LRRC4C: variants seen among roughly 807,000 people sequenced by gnomAD.
LRRC4C encodes the protein leucine-rich repeat-containing protein 4C.
Under a neutral mutation model 33.6 loss-of-function variants are expected in LRRC4C, and 5 were observed. The observed-to-expected ratio is 0.15, with a 90% CI of 0.08 to 0.31. The LOEUF (loss-of-function observed/expected upper bound fraction) is 0.31. Among genes scored for constraint, LRRC4C ranks in the 10% least tolerant of loss-of-function variants. LRRC4C has a pLI of 1.00. For missense variants in LRRC4C, 560 were observed against 796.7 expected (o/e 0.70, Z 3.58); for synonymous variants, 329 against 302.0 (o/e 1.09, Z -0.93).
chr11:40,276,467 G>A (rs1318895912), intron 4 of LRRC4C, among the ~76,000 whole-genome samples: 1 of 152,128 alleles, frequency 6.6e-6, no homozygotes, highest in Non-Finnish European at 1.5e-5. Flanking sequence ...TAGAGAAGGT[G>A]TTCATTCAAA....
intron 1 of LRRC4C, among the ~76,000 whole-genome samples, chr11:41,298,270 A>G (rs1262246661): frequency 6.6e-6 from 1 of 152,164 alleles, no homozygotes; most frequent in Non-Finnish European, 1.5e-5. Context: ...AGAAAGAGAT[A>G]AAAGAAGGGA....
At chr11:40,866,098 T>C (rs1399704188) in intron 2 of LRRC4C, among the ~76,000 whole-genome samples, 1 of 151,628 alleles carries the variant, frequency 6.6e-6, no homozygotes, top group African/African-American at 2.4e-5. Flanking sequence ...GGTCTGATCT[T>C]TATATAGAAC....
At chr11:40,520,405 TC>T (rs1337029736) in intron 3 of LRRC4C, among the ~76,000 whole-genome samples, 1 of 152,210 alleles carries the variant, frequency 6.6e-6, no homozygotes, top group Non-Finnish European at 1.5e-5. Flanking sequence ...GTGTAACTCT[TC>T]TTTTCACTTG....
intron 3 of LRRC4C, among the ~76,000 whole-genome samples, chr11:40,529,120 G>A (rs1023920124): frequency 6.6e-6 from 1 of 152,046 alleles, no homozygotes; most frequent in Non-Finnish European, 1.5e-5. Context: ...GCACTATAGT[G>A]TGTTATACAC....
chr11:41,291,166 T>C (rs1033893703), intron 1 of LRRC4C, among the ~76,000 whole-genome samples: 1 of 152,182 alleles, frequency 6.6e-6, no homozygotes, highest in African/African-American at 2.4e-5. Flanking sequence ...CTTTAAACAC[T>C]TTTCCAATAT....
intron 4 of LRRC4C, among the ~76,000 whole-genome samples, chr11:40,275,621 C>A (rs1018789432): frequency 6.6e-6 from 1 of 152,106 alleles, no homozygotes; most frequent in East Asian, 1.9e-4. Flanking sequence ...GGAAACTCAG[C>A]AAAAGAGAGT....
At chr11:40,645,267 C>A (rs1942378438) in intron 3 of LRRC4C, among the ~76,000 whole-genome samples, 1 of 152,070 alleles carries the variant, frequency 6.6e-6, no homozygotes, top group Non-Finnish European at 1.5e-5. Flanking sequence ...TGAATTGAGC[C>A]AATCATATTC....
intron 4 of LRRC4C, among the ~76,000 whole-genome samples, chr11:40,287,120 C>A (rs1186546808): frequency 6.6e-6 from 1 of 151,870 alleles, no homozygotes; most frequent in Non-Finnish European, 1.5e-5. Context: ...GAATATAGAA[C>A]CTAGAGAGGT....
chr11:41,119,023 A>T (rs1470204837), intron 1 of LRRC4C, among the ~76,000 whole-genome samples: 1 of 152,028 alleles, frequency 6.6e-6, no homozygotes, highest in South Asian at 2.1e-4. Context: ...ACTATAGGTG[A>T]TTAACTCAAG....
chr11:41,019,916 A>C (rs750547291), intron 1 of LRRC4C, among the ~76,000 whole-genome samples: 1 of 152,140 alleles, frequency 6.6e-6, no homozygotes, highest in African/African-American at 2.4e-5. Context: ...CCTGGATATT[A>C]ATCCTTTGTC....
At chr11:40,824,588 T>C (rs1952077966) in intron 2 of LRRC4C, among the ~76,000 whole-genome samples, 1 of 151,938 alleles carries the variant, frequency 6.6e-6, no homozygotes, top group Non-Finnish European at 1.5e-5. Flanking sequence ...AACTATTCTA[T>C]TATTACTCAT....
At chr11:41,339,683 A>G (rs1006266798) in intron 1 of LRRC4C, among the ~76,000 whole-genome samples, 4 of 152,204 alleles carry the variant, frequency 2.6e-5, no homozygotes, top group Admixed American at 2.6e-4. Context: ...TTTTTAAGCA[A>G]TACATGTTCC....
chr11:40,138,176 T>G (rs1459330977), intron 6 of LRRC4C, among the ~76,000 whole-genome samples: 2 of 152,046 alleles, frequency 1.3e-5, no homozygotes, highest in African/African-American at 4.8e-5. Flanking sequence ...TTTTCTTTTT[T>G]TTTTTTTTAG....
intron 1 of LRRC4C, among the ~76,000 whole-genome samples, chr11:41,317,248 AT>A (rs34146024): frequency 0.046 from 6,853 of 148,674 alleles, 483 homozygotes; most frequent in African/African-American, 0.16. Context: ...TAAGCCACTG[AT>A]TTTTTTTTTT....
chr11:40,568,469 T>C (rs1957850856), intron 3 of LRRC4C, among the ~76,000 whole-genome samples: 1 of 152,356 alleles, frequency 6.6e-6, no homozygotes, highest in Non-Finnish European at 1.5e-5. Context: ...TAAAATTTAT[T>C]TATGGTGTTG....
intron 2 of LRRC4C, among the ~76,000 whole-genome samples, chr11:40,770,260 A>G (rs1001735384): frequency 6.6e-6 from 1 of 152,156 alleles, no homozygotes; most frequent in African/African-American, 2.4e-5. Flanking sequence ...ATGCTTTTTC[A>G]TATGGTGGCA....
At chr11:41,117,497 T>G (rs538386075) in intron 1 of LRRC4C, among the ~76,000 whole-genome samples, 6 of 152,164 alleles carry the variant, frequency 3.9e-5, no homozygotes, top group Non-Finnish European at 5.9e-5. Flanking sequence ...GCAATTTTAT[T>G]TATGTATGTA....
intron 2 of LRRC4C, among the ~76,000 whole-genome samples, chr11:40,907,482 C>G (rs1956475066): frequency 6.6e-6 from 1 of 152,192 alleles, no homozygotes; most frequent in South Asian, 2.1e-4. Flanking sequence ...TTAATGTGCA[C>G]AGCTACTATC....
intron 5 of LRRC4C, among the ~76,000 whole-genome samples, chr11:40,235,509 G>A (rs2136046554): frequency 6.6e-6 from 1 of 152,268 alleles, no homozygotes; most frequent in Non-Finnish European, 1.5e-5. Flanking sequence ...GATGGGAGTT[G>A]AGAATCAAGG....
Sources: allele counts gnomAD v4.1 joint callset (sites outside exome capture counted in the v4.1 genomes callset), GRCh38; gene constraint gnomAD v4.1.1; transcripts MANE v1.5; gene names NCBI Gene and HGNC (gene_info 2026-07-23, HGNC 2026-07-21).